The following MYRIP variants were observed in gnomAD, a reference collection of about 807,000 sequenced individuals.
The protein encoded by MYRIP is myosin VIIA and Rab interacting protein.
In MYRIP, 49 loss-of-function variants were observed where a neutral mutation model predicts 98.0. The observed-to-expected ratio is 0.50, with a 90% CI of 0.40 to 0.63. The LOEUF is 0.63. Among genes scored for constraint, MYRIP ranks in the 30% least tolerant of loss-of-function variants. The pLI, the probability that MYRIP is intolerant of heterozygous loss-of-function variation, is 0.00. For synonymous variants in MYRIP, 404 were observed against 409.5 expected (o/e 0.99, Z 0.16); for missense variants, 1,004 against 1,058.2 (o/e 0.95, Z 0.71).
intron 1 of MYRIP, among the ~76,000 whole-genome samples, chr3:39,832,064 G>A (rs536370506): frequency 2.7e-4 from 41 of 152,296 alleles, no homozygotes; most frequent in South Asian, 8.3e-4. Context: ...GCACATCTGC[G>A]AGGAATCTCT....
intron 2 of MYRIP, among the ~76,000 whole-genome samples, chr3:40,026,300 C>T (rs117561580): frequency 1.4e-3 from 220 of 152,214 alleles, no homozygotes; most frequent in East Asian, 4.6e-3. Flanking sequence ...GCAGTCAGAC[C>T]GTATGGTTGT....
chr3:40,044,106 A>C lies in MYRIP; in HGVS notation c.167A>C (p.His56Pro). The C allele has an allele frequency of 6.2e-7, 1 of 1,614,176 alleles. No individual in the cohort carries two copies. The highest frequency in any genetic ancestry group is 8.5e-7 in the Non-Finnish European group (1 of 1,180,032). ...AGCAAGTGCAGCATCCTCTCGAAGC[A>C]CCAGCAGTTTGTGGAGCACTGCTGC... Reference protein sequence around the residue: ...EGSKCSILSKHQQFVEHCCMR... With the variant: ...EGSKCSILSKPQQFVEHCCMR... The change falls in exon 3 of 17, where the codon CAC becomes CCC. Residue 56 changes from histidine to proline, a missense_variant. His to Pro is a moderately conservative substitution (Grantham distance 77). This residue lies in a region of MYRIP where 880 missense variants were observed against 907.7 expected (regional missense o/e 0.97). Transcript: ENST00000302541.
chr3:39,970,823 A>G (rs985857952), intron 2 of MYRIP, among the ~76,000 whole-genome samples: 2 of 152,108 alleles, frequency 1.3e-5, no homozygotes, highest in East Asian at 3.9e-4. Flanking sequence ...ATTTAGGATT[A>G]TAAGGGAGGA....
intron 4 of MYRIP, among the ~76,000 whole-genome samples, chr3:40,158,560 C>T (rs1413413187): frequency 1.7e-4 from 26 of 149,384 alleles, no homozygotes; most frequent in South Asian, 4.3e-4. Flanking sequence ...TTGTTGACTT[C>T]CTGTCTCGTT....
intron 1 of MYRIP, among the ~76,000 whole-genome samples, chr3:39,870,036 A>G (rs951995457): frequency 6.6e-6 from 1 of 152,194 alleles, no homozygotes; most frequent in Non-Finnish European, 1.5e-5. Context: ...AGAGGCCTGA[A>G]GCACACAGTA....
intron 3 of MYRIP, among the ~76,000 whole-genome samples, chr3:40,051,020 G>C (rs576386959): frequency 1.3e-4 from 20 of 152,226 alleles, no homozygotes; most frequent in African/African-American, 4.8e-4. Flanking sequence ...ATCTACTCCT[G>C]GTGAAGATAC....
chr3:39,923,183 T>C (rs886495453), intron 2 of MYRIP, among the ~76,000 whole-genome samples: 1 of 152,050 alleles, frequency 6.6e-6, no homozygotes, highest in African/African-American at 2.4e-5. Context: ...TGAAAGTGAA[T>C]AGAGCCTCAG....
chr3:40,168,429 T>C (rs1156933539), intron 7 of MYRIP, among the ~76,000 whole-genome samples: 2 of 152,218 alleles, frequency 1.3e-5, no homozygotes, highest in Non-Finnish European at 2.9e-5. Flanking sequence ...ATCATCGAAC[T>C]CAAAGCCTAT....
chr3:40,025,693 G>A (rs981893102), intron 2 of MYRIP, among the ~76,000 whole-genome samples: 10 of 152,070 alleles, frequency 6.6e-5, no homozygotes, highest in South Asian at 2.1e-4. Flanking sequence ...GCTGGGCCAC[G>A]GAGGGTGTCA....
intron 1 of MYRIP, among the ~76,000 whole-genome samples, chr3:39,889,215 A>G (rs1943409159): frequency 6.6e-6 from 1 of 152,228 alleles, no homozygotes; most frequent in Non-Finnish European, 1.5e-5. Flanking sequence ...TGCTGCTATA[A>G]AGACACATGC....
chr3:39,873,150 C>G (rs1942858038), intron 1 of MYRIP, among the ~76,000 whole-genome samples: 1 of 152,146 alleles, frequency 6.6e-6, no homozygotes, highest in Admixed American at 6.5e-5. Context: ...TGAGAAGTGT[C>G]TGTTCATGTC....
chr3:40,131,731 T>A (rs1465726815), intron 3 of MYRIP, among the ~76,000 whole-genome samples: 1 of 152,178 alleles, frequency 6.6e-6, no homozygotes, highest in Non-Finnish European at 1.5e-5. Flanking sequence ...TCTTTCAGGG[T>A]TTTTTCTATT....
chr3:40,223,758 T>C (rs1381641319), intron 11 of MYRIP, among the ~76,000 whole-genome samples: 1 of 152,134 alleles, frequency 6.6e-6, no homozygotes, highest in Non-Finnish European at 1.5e-5. Context: ...TTCAAGGAGG[T>C]GCAATGCAGT....
intron 1 of MYRIP, among the ~76,000 whole-genome samples, chr3:39,876,333 C>T (rs1256129244): frequency 6.6e-6 from 1 of 152,138 alleles, no homozygotes; most frequent in Non-Finnish European, 1.5e-5. Context: ...AGCATTTAGC[C>T]CATTTACATT....
intron 2 of MYRIP, among the ~76,000 whole-genome samples, chr3:39,971,549 A>G (rs187073819): frequency 6.6e-6 from 1 of 152,226 alleles, no homozygotes; most frequent in East Asian, 1.9e-4. Context: ...GAGAAGGTTC[A>G]AAAGGTATCT....
In MYRIP at chr3:40,160,119, G is replaced by A. The variant is rs571884301; in HGVS notation, c.470-2611G>A. On this transcript the variant is annotated intron_variant, in intron 4 of 16. Coordinates refer to ENST00000302541, the MANE Select transcript of MYRIP (RefSeq NM_015460.4). ...TTCTGCTCTGTTTTTCCCCATCTTT[G>A]TGGTTTTATCTACTTTTGGTCTTTG... 2.1e-3 allele frequency among the ~76,000 whole-genome samples: 320 copies of A among 152,294 alleles called. 2 individuals are homozygous for A. The highest frequency in any genetic ancestry group is 3.4e-3 in the Non-Finnish European group (233 of 68,022).
At chr3:40,165,156 G>A (rs1333705016) in intron 5 of MYRIP, among the ~76,000 whole-genome samples, 1 of 152,234 alleles carries the variant, frequency 6.6e-6, no homozygotes. Context: ...TATCGCATAG[G>A]CTCTAGTTAT....
intron 1 of MYRIP, among the ~76,000 whole-genome samples, chr3:39,876,413 G>A (rs780092723): frequency 9.2e-5 from 14 of 152,244 alleles, no homozygotes; most frequent in East Asian, 1.9e-4. Context: ...TTGCTCATTC[G>A]TTCATGCAGT....
intron 1 of MYRIP, among the ~76,000 whole-genome samples, chr3:39,872,335 TTTATTA>T (rs143805990): frequency 6.6e-6 from 1 of 151,274 alleles, no homozygotes; most frequent in Non-Finnish European, 1.5e-5. Flanking sequence ...TAAATATTTC[TTTATTA>T]TTATTATTAT....
Sources: gnomAD v4.1 joint callset for allele counts (sites outside exome capture counted in the v4.1 genomes callset) on GRCh38, gnomAD v4.1.1 for gene constraint, gnomAD v4.1.1 regional missense constraint, MANE v1.5 for transcripts, NCBI Gene and HGNC (gene_info 2026-07-23, HGNC 2026-07-21) for gene names.